Variants in GHR observed in about 807,000 individuals in gnomAD.
GHR encodes the protein growth hormone receptor.
GHR carries 35 observed loss-of-function variants against 67.1 expected under a neutral mutation model. The ratio of observed to expected loss-of-function variants is 0.52; its 90% CI spans 0.40 to 0.69. The LOEUF is 0.69. Among genes scored for constraint, GHR ranks in the 30% least tolerant of loss-of-function variants. GHR has a pLI of 0.00. For synonymous variants in GHR, 272 were observed against 269.1 expected, an observed-to-expected ratio of 1.01 and a Z score of -0.10; for missense variants, 792 against 764.6, an observed-to-expected ratio of 1.04 and a Z score of -0.42.
intron 3 of GHR, among the ~76,000 whole-genome samples, chr5:42,661,948 T>G (rs1755654996): frequency 6.6e-6 from 1 of 152,142 alleles, no homozygotes; most frequent in Admixed American, 6.5e-5. Context: ...AGTCAGGGGT[T>G]GCAATCCTCG....
At chr5:42,669,044 A>G (rs570987017) in intron 3 of GHR, among the ~76,000 whole-genome samples, 58 of 152,318 alleles carry the variant, frequency 3.8e-4, no homozygotes, top group African/African-American at 7.7e-4. Context: ...AAAAATCATT[A>G]AGAAACAGTG....
At chr5:42,489,876 C>G (rs753319894) in intron 1 of GHR, among the ~76,000 whole-genome samples, 2 of 152,086 alleles carry the variant, frequency 1.3e-5, no homozygotes, top group Non-Finnish European at 2.9e-5. Context: ...GCTGAATAAA[C>G]TGCCCTTTCT....
intron 2 of GHR, among the ~76,000 whole-genome samples, chr5:42,612,101 A>G (rs1752919492): frequency 6.6e-6 from 1 of 152,192 alleles, no homozygotes. Flanking sequence ...ACTTAGGATA[A>G]TAGTATGTGG....
chr5:42,656,708 T>C (rs556950179), intron 3 of GHR, among the ~76,000 whole-genome samples: 45 of 152,294 alleles, frequency 3.0e-4, no homozygotes, highest in Non-Finnish European at 5.3e-4. Context: ...TATACAATCA[T>C]GCCTTCTTCA....
intron 1 of GHR, among the ~76,000 whole-genome samples, chr5:42,485,535 A>C (rs1174896794): frequency 6.6e-6 from 1 of 152,246 alleles, no homozygotes; most frequent in African/African-American, 2.4e-5. Flanking sequence ...AACTTGCCCA[A>C]GGCTACCCAG....
At chr5:42,462,759 A>G (rs1342364805) in intron 1 of GHR, among the ~76,000 whole-genome samples, 3 of 151,998 alleles carry the variant, frequency 2.0e-5, no homozygotes, top group Admixed American at 6.6e-5. Context: ...TTCAAAAATT[A>G]TAATACAAGG....
At chr5:42,617,332 A>T (rs1287304890) in intron 2 of GHR, among the ~76,000 whole-genome samples, 2 of 151,738 alleles carry the variant, frequency 1.3e-5, no homozygotes, top group Non-Finnish European at 2.9e-5. Context: ...AAATGGTCAC[A>T]TATTATTTTG....
intron 3 of GHR, among the ~76,000 whole-genome samples, chr5:42,641,579 A>G (rs1754478592): frequency 6.6e-6 from 1 of 152,124 alleles, no homozygotes. Flanking sequence ...AAGGGAGGGA[A>G]GGGAATATTT....
At chr5:42,447,253 G>C (rs376806072) in intron 1 of GHR, among the ~76,000 whole-genome samples, 2 of 152,220 alleles carry the variant, frequency 1.3e-5, no homozygotes, top group South Asian at 2.1e-4. Context: ...CACCCAAGCA[G>C]TATACACTGT....
intron 6 of GHR, among the ~76,000 whole-genome samples, chr5:42,707,400 G>A (rs1478365005): frequency 6.6e-6 from 1 of 151,736 alleles, no homozygotes; most frequent in Non-Finnish European, 1.5e-5. Flanking sequence ...TGATGCCCCT[G>A]GGTTTATTCA....
At chr5:42,587,079 TATC>T (rs1425252042) in intron 2 of GHR, among the ~76,000 whole-genome samples, 1 of 146,732 alleles carries the variant, frequency 6.8e-6, no homozygotes, top group African/African-American at 2.5e-5. Flanking sequence ...TATTTTTTCT[TATC>T]AAGACATTTG....
chr5:42,565,171 G>A (rs1025732472), intron 1 of GHR, among the ~76,000 whole-genome samples: 3 of 152,188 alleles, frequency 2.0e-5, no homozygotes, highest in Non-Finnish European at 4.4e-5. Context: ...AGCCACAGAC[G>A]CATCCCTCTT....
intron 3 of GHR, among the ~76,000 whole-genome samples, chr5:42,640,030 T>A (rs1754387040): frequency 6.6e-6 from 1 of 152,208 alleles, no homozygotes; most frequent in Non-Finnish European, 1.5e-5. Context: ...TCAACACTAA[T>A]ACTGACACAG....
chr5:42,565,500 A>G, intron 1 of GHR: 18 of 985,210 alleles, frequency 1.8e-5, no homozygotes, highest in Non-Finnish European at 2.2e-5. Flanking sequence ...GATACTGCTG[A>G]TAAGGTTTTC....
At position 42,549,611 on chromosome 5, in the gene GHR, C is replaced by T. The variant is rs1212126784; in HGVS notation, c.-11-16253C>T. ...AGAAGAGTATAGGAGGCAGCAGGGC[C>T]AGAGGTGTGAATAGCCCAGAACCTT... On this transcript the variant is annotated intron_variant, in intron 1 of 9. Coordinates refer to ENST00000230882, the MANE Select transcript of GHR (RefSeq NM_000163.5). 3.3e-6 allele frequency: 3 copies of T among 920,172 alleles called. No homozygotes were observed. The African/African-American group carries it at 5.4e-5, about 16-fold the overall frequency. 57.0% of individuals were successfully genotyped at this position (920,172 alleles called of 1,614,324 possible).
intron 1 of GHR, among the ~76,000 whole-genome samples, chr5:42,463,310 T>A (rs1301551460): frequency 6.6e-6 from 1 of 152,220 alleles, no homozygotes; most frequent in African/African-American, 2.4e-5. Context: ...ATGATACGAC[T>A]TCAGGGAAAA....
chr5:42,620,192 T>G lies in GHR; in HGVS notation c.71-8846T>G, dbSNP rs367917469. On this transcript the variant is annotated intron_variant, in intron 2 of 9. Coordinates refer to ENST00000230882, the MANE Select transcript of GHR (RefSeq NM_000163.5). ...CCAAAAGGACACTTGTTATAGGATC[T>G]GATGATGTACTTTAGAATCTTCTTT... 7.9e-5 allele frequency among the ~76,000 whole-genome samples: 12 copies of G among 152,310 alleles called. No individual in the cohort carries two copies. The East Asian group carries it at 1.7e-3, about 22-fold the overall frequency.
At chr5:42,697,195 A>G (rs993622724) in intron 5 of GHR, among the ~76,000 whole-genome samples, 2 of 152,168 alleles carry the variant, frequency 1.3e-5, no homozygotes, top group Admixed American at 1.3e-4. Flanking sequence ...TCCTCATAAA[A>G]TATGTATGTA....
At chr5:42,440,411 G>A (rs1229028850) in intron 1 of GHR, among the ~76,000 whole-genome samples, 1 of 152,104 alleles carries the variant, frequency 6.6e-6, no homozygotes, top group Non-Finnish European at 1.5e-5. Context: ...ATAGGATCCA[G>A]GAAGATACTT....
Sources: gnomAD v4.1 joint callset for allele counts (sites outside exome capture counted in the v4.1 genomes callset) on GRCh38, gnomAD v4.1.1 for gene constraint, MANE v1.5 for transcripts, NCBI Gene and HGNC (gene_info 2026-07-23, HGNC 2026-07-21) for gene names.